TMC1: variants seen among roughly 807,000 people sequenced by gnomAD.
TMC1 encodes the protein transmembrane channel like 1.
A neutral mutation model predicts 105.8 loss-of-function variants in TMC1; 84 were observed. That is an observed-to-expected ratio of 0.79 (90% CI 0.67 to 0.95). The LOEUF (loss-of-function observed/expected upper bound fraction) is 0.95, where lower values mean the gene tolerates loss of function less well. Among genes scored for constraint, TMC1 ranks in the 40% least tolerant of loss-of-function variants. The pLI is 0.00. For synonymous variants in TMC1, 315 were observed against 311.5 expected (o/e 1.01, Z -0.12); for missense variants, 817 against 914.1 (o/e 0.89, Z 1.37).
chr9:72,651,039 G>A (rs952258686), intron 5 of TMC1: 6 of 145,402 alleles, frequency 4.1e-5, no homozygotes, highest in African/African-American at 7.5e-5. Context: ...TTATGGCTGC[G>A]TGGTATTTCA....
intron 11 of TMC1, among the ~76,000 whole-genome samples, chr9:72,753,286 C>CTTTTTTTTTTTTTTTTT (rs5898269): frequency 1.7e-4 from 14 of 81,822 alleles, no homozygotes; most frequent in Non-Finnish European, 2.6e-4. Flanking sequence ...TTAACCCCAG[C>CTTTTTTTTTTTTTTTTT]TTTTTTTTTT....
At chr9:72,687,774 A>G (rs1826400821) in intron 5 of TMC1, among the ~76,000 whole-genome samples, 1 of 152,166 alleles carries the variant, frequency 6.6e-6, no homozygotes, top group Non-Finnish European at 1.5e-5. Flanking sequence ...ATCTGTTCAC[A>G]GCAACACTGT....
intron 5 of TMC1, among the ~76,000 whole-genome samples, chr9:72,664,474 C>G (rs141214034): frequency 1.3e-3 from 195 of 152,254 alleles, no homozygotes; most frequent in African/African-American, 4.5e-3. Context: ...GCCTTTTGGC[C>G]TGCCATGCCC....
chr9:72,603,505 C>G (rs1824855202), intron 2 of TMC1, among the ~76,000 whole-genome samples: 1 of 152,066 alleles, frequency 6.6e-6, no homozygotes, highest in Non-Finnish European at 1.5e-5. Context: ...GGCTCATCTC[C>G]TTAGAGAACC....
intron 4 of TMC1, among the ~76,000 whole-genome samples, chr9:72,637,599 A>C (rs548502745): frequency 6.6e-6 from 1 of 152,360 alleles, no homozygotes; most frequent in Non-Finnish European, 1.5e-5. Flanking sequence ...TTGTAATATT[A>C]GAAGACCTAT....
chr9:72,752,153 T>C (rs1827590390), intron 11 of TMC1, among the ~76,000 whole-genome samples, 197 bp downstream of exon 11: 1 of 152,194 alleles, frequency 6.6e-6, no homozygotes, highest in Non-Finnish European at 1.5e-5. Context: ...GGTGTAAGCC[T>C]CTTGAAATTA....
At chr9:72,650,903 A>ATATATATATATATAT (rs1825801321) in intron 5 of TMC1, among the ~76,000 whole-genome samples, 1 of 126,744 alleles carries the variant, frequency 7.9e-6, no homozygotes, top group African/African-American at 3.1e-5. Flanking sequence ...TATATATATA[A>ATATATATATATATAT]ATATATATAG....
chr9:72,793,960 C>T (rs1828320868), intron 17 of TMC1, among the ~76,000 whole-genome samples: 1 of 152,138 alleles, frequency 6.6e-6, no homozygotes, highest in Non-Finnish European at 1.5e-5. Context: ...GTAGAACTGC[C>T]CTTGCTACCC....
At position 72,752,802 on chromosome 9, in the gene TMC1, C is replaced by T. The variant is rs557495904; in HGVS notation, c.642+846C>T. On this transcript the variant is annotated intron_variant, in intron 11 of 23. Transcript: ENST00000297784. ...GGTGGTTTTGGGTGACTTTTTATCC[C>T]GATAGCTTCAAATCAGTGCCAGTTT... is the stretch of plus-strand genomic sequence containing the variant. Among the ~76,000 whole-genome samples, 47 of 152,128 alleles carry T rather than the reference C, an allele frequency of 3.1e-4. No individual in the cohort carries two copies. The South Asian group carries it at 7.5e-3, about 24-fold the overall frequency.
In TMC1 at chr9:72,728,885, T is replaced by G. The variant is rs374132942; in HGVS notation, c.363-11234T>G. Among the ~76,000 whole-genome samples, 4 of 152,192 alleles carry G rather than the reference T, an allele frequency of 2.6e-5. No homozygotes were observed. In the East Asian group the frequency reaches 5.8e-4, roughly 22 times the overall value. On this transcript the variant is annotated intron_variant, in intron 8 of 23. Transcript: ENST00000297784. ...AAAGGATCTAGTGTGCTTTTATTTT[T>G]AAATTTTTCATTAATCCACTAAAGC...
chr9:72,621,720 C>G (rs1266928629), intron 3 of TMC1, among the ~76,000 whole-genome samples: 3 of 152,126 alleles, frequency 2.0e-5, no homozygotes, highest in Non-Finnish European at 2.9e-5. Flanking sequence ...AAATCACCCT[C>G]CGAGAATCAT....
chr9:72,823,650 T>A (rs986490696), intron 20 of TMC1, among the ~76,000 whole-genome samples: 6 of 152,226 alleles, frequency 3.9e-5, no homozygotes, highest in Non-Finnish European at 8.8e-5. Flanking sequence ...CGTAAATAGT[T>A]GACAATTTAA....
intron 8 of TMC1, among the ~76,000 whole-genome samples, chr9:72,734,302 T>C (rs528939107): frequency 4.5e-4 from 68 of 152,354 alleles, no homozygotes; most frequent in African/African-American, 1.6e-3. Flanking sequence ...ATACTGCTCT[T>C]GCTATTTGCC....
intron 13 of TMC1, among the ~76,000 whole-genome samples, chr9:72,778,300 G>T (rs955692362): frequency 2.0e-5 from 3 of 152,150 alleles, no homozygotes; most frequent in Non-Finnish European, 4.4e-5. Flanking sequence ...CAGAAGGGAG[G>T]CATTGAGAGT....
At chr9:72,620,664 A>C (rs1825232706) in intron 3 of TMC1, among the ~76,000 whole-genome samples, 1 of 152,170 alleles carries the variant, frequency 6.6e-6, no homozygotes, top group Admixed American at 6.5e-5. Flanking sequence ...TGAATTTATC[A>C]TGGGGTGATT....
intron 5 of TMC1, among the ~76,000 whole-genome samples, chr9:72,666,791 G>A (rs1003749077): frequency 8.6e-5 from 13 of 151,832 alleles, no homozygotes; most frequent in African/African-American, 3.1e-4. Context: ...GCCTCATGCT[G>A]GTAATCCCAG....
intron 8 of TMC1, among the ~76,000 whole-genome samples, chr9:72,720,807 T>C (rs1827010015): frequency 1.3e-5 from 2 of 152,256 alleles, no homozygotes; most frequent in Admixed American, 1.3e-4. Flanking sequence ...GTAATGTTCT[T>C]GTTTGTTCAT....
At chr9:72,577,076 A>G (rs940446626) in intron 1 of TMC1, among the ~76,000 whole-genome samples, 1 of 152,054 alleles carries the variant, frequency 6.6e-6, no homozygotes, top group South Asian at 2.1e-4. Context: ...AAGCTACAGC[A>G]TACAATTTAA....
intron 4 of TMC1, among the ~76,000 whole-genome samples, chr9:72,628,965 A>T (rs906559110): frequency 9.2e-5 from 14 of 152,142 alleles, no homozygotes; most frequent in African/African-American, 3.1e-4. Context: ...AGTTTTTTTT[A>T]AATGTGTTAA....
Sources: gnomAD v4.1 joint callset for allele counts (sites outside exome capture counted in the v4.1 genomes callset) on GRCh38, gnomAD v4.1.1 for gene constraint, MANE v1.5 for transcripts, NCBI Gene and HGNC (gene_info 2026-07-23, HGNC 2026-07-21) for gene names.